SEMA6D: variants seen among roughly 807,000 people sequenced by gnomAD.
SEMA6D encodes semaphorin-6D.
Under a neutral mutation model 106.6 loss-of-function variants are expected in SEMA6D, and 35 were observed. That is an observed-to-expected ratio of 0.33 (90% CI 0.25 to 0.44). The LOEUF (loss-of-function observed/expected upper bound fraction) is 0.44, where lower values mean the gene tolerates loss of function less well. Among genes scored for constraint, SEMA6D ranks in the 20% least tolerant of loss-of-function variants. The pLI is 1.00. For missense variants in SEMA6D, 1,185 were observed against 1,345.9 expected, an observed-to-expected ratio of 0.88 and a Z score of 1.87; for synonymous variants, 499 against 487.7, an observed-to-expected ratio of 1.02 and a Z score of -0.31.
chr15:47,324,009 T>C (rs1324856717), intron 1 of SEMA6D, among the ~76,000 whole-genome samples: 1 of 151,164 alleles, frequency 6.6e-6, no homozygotes, highest in Non-Finnish European at 1.5e-5. Flanking sequence ...AATCCAATGA[T>C]AAAACTGGAG....
At chr15:47,400,040 AC>A (rs1441567114) in intron 1 of SEMA6D, among the ~76,000 whole-genome samples, 1 of 152,112 alleles carries the variant, frequency 6.6e-6, no homozygotes, top group Non-Finnish European at 1.5e-5. Context: ...TTTTTATGAT[AC>A]CCTCCTCACC....
At chr15:47,465,319 A>G (rs183711585) in intron 2 of SEMA6D, among the ~76,000 whole-genome samples, 99 of 152,286 alleles carry the variant, frequency 6.5e-4, no homozygotes, top group African/African-American at 1.7e-3. Context: ...GTTCTTAATA[A>G]TAAGCCCCTA....
At chr15:47,410,054 A>G (rs918317033) in intron 1 of SEMA6D, among the ~76,000 whole-genome samples, 5 of 152,088 alleles carry the variant, frequency 3.3e-5, no homozygotes, top group African/African-American at 1.2e-4. Flanking sequence ...GGCTCACTGC[A>G]GCCTCAACCT....
intron 4 of SEMA6D, among the ~76,000 whole-genome samples, chr15:47,662,725 T>C (rs1377644396): frequency 6.6e-6 from 1 of 152,142 alleles, no homozygotes; most frequent in Non-Finnish European, 1.5e-5. Context: ...TACCACTCTT[T>C]GCAAACTTTG....
At chr15:47,336,437 G>T (rs2037559472) in intron 1 of SEMA6D, among the ~76,000 whole-genome samples, 1 of 152,070 alleles carries the variant, frequency 6.6e-6, no homozygotes, top group Admixed American at 6.6e-5. Flanking sequence ...CTGTTACTGG[G>T]GCTCATGGCA....
intron 4 of SEMA6D, among the ~76,000 whole-genome samples, chr15:47,710,004 A>C (rs1184180149): frequency 6.6e-6 from 1 of 152,196 alleles, no homozygotes; most frequent in Non-Finnish European, 1.5e-5. Flanking sequence ...ATAAATAAAC[A>C]TGAGGCAAAT....
chr15:47,318,221 T>A (rs1305741183), intron 1 of SEMA6D, among the ~76,000 whole-genome samples: 1 of 151,790 alleles, frequency 6.6e-6, no homozygotes, highest in Non-Finnish European at 1.5e-5. Context: ...AAGTTGCGAA[T>A]ATTTTTTCCC....
chr15:47,390,708 A>T (rs1420186165), intron 1 of SEMA6D, among the ~76,000 whole-genome samples: 1 of 152,202 alleles, frequency 6.6e-6, no homozygotes, highest in East Asian at 1.9e-4. Flanking sequence ...TCGATTCCTC[A>T]GGTCTTTTGT....
intron 1 of SEMA6D, among the ~76,000 whole-genome samples, chr15:47,406,974 A>G (rs2040594327): frequency 6.6e-6 from 1 of 152,218 alleles, no homozygotes; most frequent in African/African-American, 2.4e-5. Flanking sequence ...CAACAACAAC[A>G]ACAAAAACAG....
chr15:47,354,303 T>TTATA (rs3985870), intron 1 of SEMA6D, among the ~76,000 whole-genome samples: 3,568 of 141,012 alleles, frequency 0.025, 127 homozygotes, highest in African/African-American at 0.08. Flanking sequence ...GAGAGAGAGC[T>TTATA]TATATATATA....
At chr15:47,505,955 A>T (rs531557507) in intron 3 of SEMA6D, among the ~76,000 whole-genome samples, 22 of 152,202 alleles carry the variant, frequency 1.4e-4, no homozygotes, top group African/African-American at 5.3e-4. Flanking sequence ...TCCAGTCTGA[A>T]GGTGTGGAGA....
chr15:47,696,971 A>G (rs2078712113), intron 4 of SEMA6D, among the ~76,000 whole-genome samples: 1 of 152,170 alleles, frequency 6.6e-6, no homozygotes, highest in African/African-American at 2.4e-5. Flanking sequence ...CATCTTCATT[A>G]TAATCATCAT....
chr15:47,188,689 A>C (rs1202642502), intron 1 of SEMA6D, among the ~76,000 whole-genome samples: 1 of 152,164 alleles, frequency 6.6e-6, no homozygotes, highest in Non-Finnish European at 1.5e-5. Flanking sequence ...TTTCTCTGTC[A>C]TAATGTCTTA....
chr15:47,485,732 C>A (rs1475694764), intron 3 of SEMA6D, among the ~76,000 whole-genome samples: 1 of 152,160 alleles, frequency 6.6e-6, no homozygotes, highest in African/African-American at 2.4e-5. Flanking sequence ...TAGCACCGAG[C>A]CACAGTGCTA....
intron 2 of SEMA6D, among the ~76,000 whole-genome samples, chr15:47,459,363 G>T (rs1447779516): frequency 6.6e-6 from 1 of 152,054 alleles, no homozygotes; most frequent in Non-Finnish European, 1.5e-5. Flanking sequence ...CTGGGCATCA[G>T]ATTCTTCCCA....
chr15:47,193,598 C>G (rs886314590), intron 1 of SEMA6D, among the ~76,000 whole-genome samples: 1 of 152,184 alleles, frequency 6.6e-6, no homozygotes, highest in Non-Finnish European at 1.5e-5. Context: ...TCCTTGTAGT[C>G]ACATACATCA....
chr15:47,279,853 A>G (rs1313063202), intron 1 of SEMA6D, among the ~76,000 whole-genome samples: 1 of 150,230 alleles, frequency 6.7e-6, no homozygotes, highest in Non-Finnish European at 1.5e-5. Flanking sequence ...ATATTGAACC[A>G]GCCTTGCATC....
chr15:47,531,541 A>G (rs956439734), intron 3 of SEMA6D, among the ~76,000 whole-genome samples: 9 of 152,236 alleles, frequency 5.9e-5, no homozygotes, highest in Non-Finnish European at 1.3e-4. Context: ...GGCACTGTAT[A>G]TATGTGGATA....
chr15:47,427,695 A>C (rs281230), intron 2 of SEMA6D, among the ~76,000 whole-genome samples: 1 of 151,978 alleles, frequency 6.6e-6, no homozygotes, highest in Non-Finnish European at 1.5e-5. Context: ...ACTCACAGTG[A>C]GTCATTGAAT....
Sources: gnomAD v4.1 joint callset for allele counts (sites outside exome capture counted in the v4.1 genomes callset) on GRCh38, gnomAD v4.1.1 for gene constraint, MANE v1.5 for transcripts, NCBI Gene and HGNC (gene_info 2026-07-23, HGNC 2026-07-21) for gene names.